The following GAS7 variants were observed in gnomAD, a reference collection of about 807,000 sequenced individuals.
GAS7 encodes growth arrest-specific protein 7.
A neutral mutation model predicts 71.1 loss-of-function variants in GAS7; 28 were observed. That is an observed-to-expected ratio of 0.39 (90% confidence interval 0.29 to 0.54). The LOEUF is 0.54. Ranked by LOEUF, GAS7 falls within the 20% of genes least tolerant of loss-of-function variation. The pLI, the probability that GAS7 is intolerant of heterozygous loss-of-function variation, is 0.62. For synonymous variants in GAS7, 258 were observed against 245.8 expected, an observed-to-expected ratio of 1.05 and a Z score of -0.46; for missense variants, 436 against 627.8, an observed-to-expected ratio of 0.69 and a Z score of 3.27.
intron 1 of GAS7, among the ~76,000 whole-genome samples, chr17:10,126,200 G>C (rs936267482): frequency 6.6e-6 from 1 of 152,208 alleles, no homozygotes; most frequent in African/African-American, 2.4e-5. Flanking sequence ...TCAGACAGGA[G>C]AAAGTATTTG....
chr17:9,928,959 TCTC>T (rs1279643080), intron 9 of GAS7, among the ~76,000 whole-genome samples: 3 of 152,192 alleles, frequency 2.0e-5, no homozygotes, highest in African/African-American at 7.2e-5. Context: ...AACACCCCTC[TCTC>T]CTCCTCGTGT....
Position 10,046,850 on chromosome 17 carries a change from A to G in GAS7, c.184-26953T>C, listed in dbSNP as rs1459944680. On this transcript the variant is annotated intron_variant, in intron 1 of 13. Transcript: ENST00000432992. ...GAAGGAAGGAAGGAAGGAAGGAAAGAAAAGAAAAGAAAAAAGAAAAGAAAA... is the reference window on the plus strand; with the variant it reads ...GAAGGAAGGAAGGAAGGAAGGAAAGGAAAGAAAAGAAAAAAGAAAAGAAAA... 2.5e-4 allele frequency among the ~76,000 whole-genome samples: 34 copies of G among 137,910 alleles called. 1 individual carries two copies. Among genetic ancestry groups the G allele is most frequent in the African/African-American group, 7.8e-4 (24 of 30,622 alleles). 90.5% of individuals were successfully genotyped at this position (137,910 alleles called of 152,430 possible). A position where few individuals can be genotyped will look rare whatever the true frequency, so the allele number is the denominator to read the frequency against.
intron 4 of GAS7, among the ~76,000 whole-genome samples, chr17:9,964,332 G>A (rs1191394389): frequency 6.6e-6 from 1 of 151,994 alleles, no homozygotes; most frequent in African/African-American, 2.4e-5. Flanking sequence ...AAATAATCTG[G>A]GTCCCATCCC....
At chr17:10,032,895 T>C (rs2152221172) in intron 1 of GAS7, among the ~76,000 whole-genome samples, 1 of 152,300 alleles carries the variant, frequency 6.6e-6, no homozygotes, top group East Asian at 1.9e-4. Flanking sequence ...CGAAGTGATA[T>C]ACCAAAAATT....
chr17:9,923,462 A>C (rs1451778518), intron 11 of GAS7, among the ~76,000 whole-genome samples: 1 of 152,232 alleles, frequency 6.6e-6, no homozygotes, highest in Non-Finnish European at 1.5e-5. Flanking sequence ...AAAACGATTC[A>C]TCTCCCTGAT....
At chr17:9,943,064 G>A (rs534638597) in intron 7 of GAS7, 57 bp downstream of exon 7, 45 of 1,159,004 alleles carry the variant, frequency 3.9e-5, no homozygotes, top group African/African-American at 2.1e-4. Context: ...CCCCGGCCAC[G>A]GGGCCCCGGG....
intron 2 of GAS7, among the ~76,000 whole-genome samples, chr17:10,012,379 C>A (rs1470140627): frequency 6.6e-6 from 1 of 152,166 alleles, no homozygotes; most frequent in East Asian, 1.9e-4. Flanking sequence ...CCTCTGCCTC[C>A]TGGGCTCAAG....
At chr17:10,124,638 G>A (rs12944095) in intron 1 of GAS7, among the ~76,000 whole-genome samples, 58,915 of 152,058 alleles carry the variant, frequency 0.39, 12,175 homozygotes, top group East Asian at 0.59. Context: ...GTGTGGGGCC[G>A]GGCACAGTGG....
At chr17:10,085,331 C>T (rs2073505293) in intron 1 of GAS7, among the ~76,000 whole-genome samples, 1 of 152,196 alleles carries the variant, frequency 6.6e-6, no homozygotes, top group African/African-American at 2.4e-5. Flanking sequence ...AAGCCAACTT[C>T]TCAGGATCTC....
rs2068661293 is a variant in GAS7, at chr17:9,943,055, C to A, written c.731+66G>T. 3 of 1,023,868 alleles carry A rather than the reference C, an allele frequency of 2.9e-6. No individual in the cohort carries two copies. The African/African-American group carries it at 4.7e-5, about 16-fold the overall frequency. The allele number at this position is 1,023,868 out of a possible 1,614,324, so 63.4% of individuals were successfully genotyped here. On this transcript the variant is annotated intron_variant, in intron 7 of 13. Transcript: ENST00000432992. ...ACTGAGTCCTGTGCTGTCGCCCCGC[C>A]CCGGCCACGGGGCCCCGGGGAACAC...
intron 1 of GAS7, among the ~76,000 whole-genome samples, chr17:10,112,026 CCA>C (rs2142067033): frequency 6.6e-6 from 1 of 152,334 alleles, no homozygotes; most frequent in East Asian, 1.9e-4. Flanking sequence ...GTTGCACCAG[CCA>C]CATGTTAGTG....
At chr17:9,971,304 G>C (rs1385341218) in intron 3 of GAS7, among the ~76,000 whole-genome samples, 2 of 152,136 alleles carry the variant, frequency 1.3e-5, no homozygotes, top group Admixed American at 1.3e-4. Flanking sequence ...GCTCATGCCT[G>C]TTATCCCAGC....
At chr17:10,146,104 G>A (rs904113006) in intron 1 of GAS7, among the ~76,000 whole-genome samples, 16 of 152,122 alleles carry the variant, frequency 1.1e-4, no homozygotes, top group Non-Finnish European at 1.9e-4. Context: ...GAAGCATCTG[G>A]TTCTCCCCAA....
intron 1 of GAS7, among the ~76,000 whole-genome samples, chr17:10,089,212 C>T (rs1281270729): frequency 1.3e-5 from 2 of 151,880 alleles, no homozygotes; most frequent in Non-Finnish European, 2.9e-5. Flanking sequence ...GTGAAAGTTC[C>T]CATGCACTGT....
intron 1 of GAS7, among the ~76,000 whole-genome samples, chr17:10,032,130 A>C (rs1479698191): frequency 6.7e-6 from 1 of 150,340 alleles, no homozygotes; most frequent in Non-Finnish European, 1.5e-5. Flanking sequence ...AAAAAAAAAA[A>C]CCCTACATTT....
intron 1 of GAS7, among the ~76,000 whole-genome samples, chr17:10,157,769 ACATATCACCCTTAGG>A (rs1158240879): frequency 2.0e-5 from 3 of 152,190 alleles, no homozygotes; most frequent in Non-Finnish European, 4.4e-5. Context: ...CCACCCTTAG[ACATATCACCCTTAGG>A]CATATCACCC....
intron 2 of GAS7, among the ~76,000 whole-genome samples, chr17:10,005,346 C>CACACACAT (rs753952807): frequency 6.7e-5 from 10 of 149,768 alleles, no homozygotes; most frequent in Middle Eastern, 3.4e-3. Context: ...CACACACACA[C>CACACACAT]ATATATATAT....
chr17:9,988,204 A>T (rs2070711809), intron 2 of GAS7, among the ~76,000 whole-genome samples: 1 of 152,034 alleles, frequency 6.6e-6, no homozygotes, highest in Non-Finnish European at 1.5e-5. Flanking sequence ...CTCTCTACCC[A>T]TGGCTTCTCT....
At chr17:10,049,392 C>G (rs1262253980) in intron 1 of GAS7, among the ~76,000 whole-genome samples, 1 of 152,056 alleles carries the variant, frequency 6.6e-6, no homozygotes, top group East Asian at 1.9e-4. Context: ...CTTTAGAAAT[C>G]AAAGTATGCA....
Sources: gnomAD v4.1 joint callset for allele counts (sites outside exome capture counted in the v4.1 genomes callset) on GRCh38, gnomAD v4.1.1 for gene constraint, MANE v1.5 for transcripts, NCBI Gene and HGNC (gene_info 2026-07-23, HGNC 2026-07-21) for gene names.